The following ZBTB21 variants were observed in gnomAD, a reference collection of about 807,000 sequenced individuals.
ZBTB21 encodes the protein zinc finger and BTB domain containing 21.
ZBTB21 carries 10 observed loss-of-function variants against 39.8 expected under a neutral mutation model. The ratio of observed to expected loss-of-function variants is 0.25; its 90% CI spans 0.16 to 0.43. The LOEUF (loss-of-function observed/expected upper bound fraction) is 0.43. Among genes scored for constraint, ZBTB21 ranks in the 20% least tolerant of loss-of-function variants. The probability of loss-of-function intolerance (pLI) is 1.00; values close to 1 mark genes in which losing one functional copy is unlikely to be tolerated. For missense variants in ZBTB21, 1,221 were observed against 1,296.3 expected (o/e 0.94, Z 0.89); for synonymous variants, 551 against 498.8 (o/e 1.10, Z -1.40).
At chr21:42,000,162 C>A (rs2065800438) in intron 2 of ZBTB21, among the ~76,000 whole-genome samples, 1 of 152,090 alleles carries the variant, frequency 6.6e-6, no homozygotes, top group South Asian at 2.1e-4. Flanking sequence ...AAGTATTCTG[C>A]CAAAATAACT....
Position 41,993,913 on chromosome 21 carries a change from AT to A in ZBTB21, c.182del (p.Asn61IlefsTer24). On this transcript the variant is annotated frameshift_variant, in exon 3 of 3. Coordinates refer to ENST00000310826, the MANE Select transcript of ZBTB21 (RefSeq NM_001098402.2). LOFTEE classifies it low-confidence loss of function (END_TRUNC). ...ATACAGTTTGTGACTCATTTTCCTT[AT>A]TTGTGAATAAACTCTGAAAGTATTC... Reference protein sequence around the residue: ...SSEYFQSLFTNKENESQTVFQ... With the variant: ...SSEYFQSLFTXKENESQTVFQ... 6.2e-7 allele frequency: 1 copy of A among 1,614,132 alleles called. No individual in the cohort carries two copies. The highest frequency in any genetic ancestry group is 8.5e-7 in the Non-Finnish European group (1 of 1,180,014).
rs1303214913 is a variant in ZBTB21, at chr21:41,988,341, T to G, written c.*2554A>C. On this transcript the variant is annotated 3_prime_UTR_variant, in exon 3 of 3. Transcript: ENST00000310826. ...TAAAGAGCTTTCTACATTTTCAAAATTAATTACAATCCTAAAATATATTTA... is the reference window on the plus strand; with the variant it reads ...TAAAGAGCTTTCTACATTTTCAAAAGTAATTACAATCCTAAAATATATTTA... 6.6e-6 allele frequency: 1 copy of G among 152,244 alleles called. No homozygotes were observed. The highest frequency in any genetic ancestry group is 1.9e-4 in the East Asian group (1 of 5,208). 9.4% of individuals were successfully genotyped at this position (152,244 alleles called of 1,614,324 possible).
Position 41,989,039 on chromosome 21 carries a change from C to G in ZBTB21, c.*1856G>C, listed in dbSNP as rs190267909. 13 of 151,972 alleles carry G rather than the reference C, an allele frequency of 8.6e-5. No homozygotes were observed. The highest frequency in any genetic ancestry group is 2.9e-4 in the African/African-American group (12 of 41,402). The allele number at this position is 151,972 out of a possible 1,614,324, so 9.4% of individuals were successfully genotyped here. On this transcript the variant is annotated 3_prime_UTR_variant, in exon 3 of 3. Coordinates refer to ENST00000310826, the MANE Select transcript of ZBTB21 (RefSeq NM_001098402.2). ...ATCCATCCTGATGTTTCATGTAAAC[C>G]CATATGCTTTAGTTTTATCCTTAAA... is the stretch of plus-strand genomic sequence containing the variant.
intron 2 of ZBTB21, 62 bp from the exon 3 acceptor site, chr21:41,994,170 A>G: frequency 7.0e-7 from 1 of 1,432,392 alleles, no homozygotes; most frequent in Non-Finnish European, 9.4e-7. Context: ...TGGCTCCTCA[A>G]GAGCAGGGAA....
intron 1 of ZBTB21, chr21:42,007,931 ATC>A (rs1167843395): frequency 6.6e-6 from 1 of 152,232 alleles, no homozygotes; most frequent in African/African-American, 2.4e-5. Flanking sequence ...CCAAATCTGT[ATC>A]TCTGTTTAGA....
chr21:41,993,246 T>C lies in ZBTB21; in HGVS notation c.850A>G (p.Ser284Gly), dbSNP rs2065695191. ...RPRPPVLSVC[S>G]SSETPYLLKE... The stretch of plus-strand genomic sequence containing the variant: ...AATAGATAGGGAGTCTCTGATGAGC[T>C]ACAAACAGACAAAACAGGTGGCCGT... The change falls in exon 3 of 3, where the codon AGC (serine) becomes GGC (glycine). Residue 284 changes from serine to glycine, a missense_variant. Around this residue, in one of 4 missense-constraint regions of ZBTB21, gnomAD observed 500 missense variants for 465.6 expected, o/e 1.07. Coordinates refer to ENST00000310826, the MANE Select transcript of ZBTB21 (RefSeq NM_001098402.2). 1 of 1,611,802 alleles carries C rather than the reference T, an allele frequency of 6.2e-7. No individual in the cohort carries two copies. Among genetic ancestry groups the C allele is most frequent in the Non-Finnish European group, 8.5e-7 (1 of 1,180,030 alleles).
chr21:42,000,723 GA>G (rs2146320603), intron 2 of ZBTB21, among the ~76,000 whole-genome samples: 1 of 152,316 alleles, frequency 6.6e-6, no homozygotes, highest in South Asian at 2.1e-4. Flanking sequence ...TTCTTTGGAT[GA>G]AAACATCTAT....
At chr21:42,001,269 T>G (rs993526759) in intron 2 of ZBTB21, among the ~76,000 whole-genome samples, 1 of 152,204 alleles carries the variant, frequency 6.6e-6, no homozygotes, top group Non-Finnish European at 1.5e-5. Flanking sequence ...CTAGACAGTG[T>G]CATCAATCCT....
intron 1 of ZBTB21, chr21:42,007,825 T>C (rs1194832938): frequency 1.3e-5 from 2 of 152,272 alleles, no homozygotes; most frequent in African/African-American, 4.8e-5. Context: ...CTCACCTTTA[T>C]TTCTCCAGCA....
In ZBTB21 at chr21:41,992,666, A is replaced by G. The variant is rs766294586; in HGVS notation, c.1430T>C (p.Met477Thr). ...CCTCCTTTTTGCTGGGAGTCTGCTC[A>G]TGTCTTTTTGGTCATCTTCTGTTTT... is the stretch of plus-strand genomic sequence containing the variant. ...SLKTEDDQKDMSRLPAKRRFQ... is the reference protein window; with the variant it reads ...SLKTEDDQKDTSRLPAKRRFQ... The change falls in exon 3 of 3, where the codon ATG (methionine) becomes ACG (threonine). Residue 477 changes from methionine (M) to threonine (T), a missense_variant. This residue lies in a region of ZBTB21 where 500 missense variants were observed against 465.6 expected (regional missense o/e 1.07). Transcript: ENST00000310826. This position sits in a 1 kb window ranked among gnomAD's most constrained non-coding sequence, Gnocchi z 4.1. The G allele has an allele frequency of 1.2e-6, 2 of 1,614,070 alleles. No homozygotes were observed. The highest frequency in any genetic ancestry group is 1.7e-6 in the Non-Finnish European group (2 of 1,180,004).
rs2065691640 is a variant in ZBTB21, at chr21:41,993,085, C to T, written c.1011G>A (p.Lys337=). Residue 337 remains lysine (K), a synonymous_variant, in exon 3 of 3, where the codon AAG becomes AAA. Coordinates refer to ENST00000310826, the MANE Select transcript of ZBTB21 (RefSeq NM_001098402.2). ...TCGACAATGACCGTCTGAGGAGACT[C>T]TTAACAAGTGGGCCACTCCTGTCAA... ...QSIDRSGPLV[K]SLLRRSLSMD... The T allele has an allele frequency of 6.2e-7, 1 of 1,614,142 alleles. No individual in the cohort carries two copies. Among genetic ancestry groups the T allele is most frequent in the Admixed American group, 1.7e-5 (1 of 60,014 alleles).
intron 2 of ZBTB21, among the ~76,000 whole-genome samples, chr21:41,998,767 CT>C (rs2065782708): frequency 6.6e-6 from 1 of 152,128 alleles, no homozygotes; most frequent in Admixed American, 6.5e-5. Context: ...TTCTGACTCC[CT>C]GATAAGATGC....
At chr21:42,005,582 CTTGTTATT>C (rs1354364416) in intron 1 of ZBTB21, among the ~76,000 whole-genome samples, 2 of 152,174 alleles carry the variant, frequency 1.3e-5, no homozygotes, top group Non-Finnish European at 2.9e-5. Flanking sequence ...AGTTTCTGTT[CTTGTTATT>C]AAAGAACCCT....
chr21:42,008,563 GA>G (rs1332944895), intron 1 of ZBTB21, among the ~76,000 whole-genome samples: 5 of 102,788 alleles, frequency 4.9e-5, no homozygotes, highest in African/African-American at 1.4e-4. Context: ...AAAAAAAAAA[GA>G]AAAAAAGAAA....
At chr21:41,999,670 C>T (rs532204627) in intron 2 of ZBTB21, among the ~76,000 whole-genome samples, 6 of 152,304 alleles carry the variant, frequency 3.9e-5, no homozygotes, top group Non-Finnish European at 8.8e-5. Context: ...GTCATTCATT[C>T]ATCAAAATGG....
chr21:41,992,331 T>C lies in ZBTB21; in HGVS notation c.1765A>G (p.Lys589Glu). 1 of 1,614,252 alleles carries C rather than the reference T, an allele frequency of 6.2e-7. No individual in the cohort carries two copies. The highest frequency in any genetic ancestry group is 8.5e-7 in the Non-Finnish European group (1 of 1,180,050). Residue 589 changes from lysine to glutamate, a missense_variant, in exon 3 of 3, where the codon AAA becomes GAA. Physicochemically the swap from Lys to Glu is moderately conservative, Grantham distance 56. Around this residue, in one of 4 missense-constraint regions of ZBTB21, gnomAD observed 90 missense variants for 133.1 expected, o/e 0.68. Transcript: ENST00000310826. The surrounding 1 kb of genome is among the most constrained non-coding windows in gnomAD (Gnocchi z 4.1). ...TGGGTCTGACAGTGTGTCCACACTTTGAAGTTGGTGTGAAACCTCTTGTGA... is the reference window on the plus strand; with the variant it reads ...TGGGTCTGACAGTGTGTCCACACTTCGAAGTTGGTGTGAAACCTCTTGTGA... ...ICHKRFHTNF[K>E]VWTHCQTQHG...
At chr21:42,006,383 C>G (rs533985810) in intron 1 of ZBTB21, among the ~76,000 whole-genome samples, 52 of 151,730 alleles carry the variant, frequency 3.4e-4, no homozygotes, top group South Asian at 1.5e-3. Context: ...CCACTACACT[C>G]CAGTCACCAC....
At chr21:41,994,764 G>A (rs746075459) in intron 2 of ZBTB21, among the ~76,000 whole-genome samples, 4 of 152,054 alleles carry the variant, frequency 2.6e-5, no homozygotes, top group African/African-American at 9.7e-5. Context: ...CAGGTGATGC[G>A]GTTTGGTGGT....
chr21:42,010,138 A>T (rs2065944166), intron 1 of ZBTB21, 114 bp downstream of exon 1: 1 of 389,152 alleles, frequency 2.6e-6, no homozygotes, highest in Middle Eastern at 6.4e-4. Context: ...GAGAAAAAAG[A>T]GGAGAGAAAT....
Sources: allele counts gnomAD v4.1 joint callset (sites outside exome capture counted in the v4.1 genomes callset), GRCh38; gene constraint gnomAD v4.1.1; regional missense constraint gnomAD v4.1.1; non-coding constraint Gnocchi (gnomAD v3.1); transcripts MANE v1.5; gene names NCBI Gene and HGNC (gene_info 2026-07-23, HGNC 2026-07-21).